The following ZNF521 variants were observed in gnomAD, a reference collection of about 807,000 sequenced individuals.
The protein encoded by ZNF521 is zinc finger protein 521, also known as LYST-interacting protein 3.
In ZNF521, 14 loss-of-function variants were observed where a neutral mutation model predicts 105.5. The observed-to-expected ratio is 0.13, with a 90% confidence interval of 0.09 to 0.21. The LOEUF (loss-of-function observed/expected upper bound fraction) is 0.21, where lower values mean the gene tolerates loss of function less well. ZNF521 is among the 10% of genes least tolerant of loss of function. The pLI, the probability that ZNF521 is intolerant of heterozygous loss-of-function variation, is 1.00. For synonymous variants in ZNF521, 635 were observed against 606.0 expected (o/e 1.05, Z -0.70); for missense variants, 1,233 against 1,629.7 (o/e 0.76, Z 4.19).
chr18:25,347,996 C>T (rs2145229179), intron 2 of ZNF521, among the ~76,000 whole-genome samples: 1 of 152,294 alleles, frequency 6.6e-6, no homozygotes, highest in South Asian at 2.1e-4. Flanking sequence ...TCCAATGCCT[C>T]CTTCAAGTTG....
At chr18:25,292,665 C>T (rs1911101517) in intron 3 of ZNF521, among the ~76,000 whole-genome samples, 1 of 152,112 alleles carries the variant, frequency 6.6e-6, no homozygotes, top group African/African-American at 2.4e-5. Flanking sequence ...GGGAAACAGC[C>T]CCATTAGACA....
At chr18:25,342,728 T>G (rs1024203304) in intron 2 of ZNF521, among the ~76,000 whole-genome samples, 3 of 152,194 alleles carry the variant, frequency 2.0e-5, no homozygotes, top group South Asian at 2.1e-4. Flanking sequence ...GCGCCTGGCC[T>G]TCTTTTTCTT....
intron 3 of ZNF521, among the ~76,000 whole-genome samples, chr18:25,238,990 T>A (rs1461936837): frequency 6.6e-6 from 1 of 152,150 alleles, no homozygotes; most frequent in African/African-American, 2.4e-5. Flanking sequence ...TGCTTGAAGT[T>A]TGCTGCACTC....
chr18:25,273,220 CAAAAAAAAAAAAAAAA>C (rs67381140), intron 3 of ZNF521, among the ~76,000 whole-genome samples: 11 of 40,886 alleles, frequency 2.7e-4, no homozygotes, highest in African/African-American at 6.1e-4. Flanking sequence ...ACCCTGTCTC[CAAAAAAAAAAAAAAAA>C]AAAAAAAAAA....
intron 3 of ZNF521, among the ~76,000 whole-genome samples, chr18:25,234,033 A>G (rs1600189941): frequency 6.6e-6 from 1 of 152,206 alleles, no homozygotes; most frequent in East Asian, 1.9e-4. Flanking sequence ...GTTAAAGAAC[A>G]GTCATCCTCT....
intron 7 of ZNF521, among the ~76,000 whole-genome samples, chr18:25,075,971 T>A (rs2033351616): frequency 6.6e-6 from 1 of 152,216 alleles, no homozygotes; most frequent in African/African-American, 2.4e-5. Flanking sequence ...AATCATTTTT[T>A]TTTGGAATGC....
At chr18:25,158,987 AC>A (rs892287785) in intron 5 of ZNF521, among the ~76,000 whole-genome samples, 2 of 151,992 alleles carry the variant, frequency 1.3e-5, no homozygotes, top group Non-Finnish European at 2.9e-5. Context: ...AAACTACCAA[AC>A]AAAAAAATGA....
chr18:25,305,721 G>A (rs1294198043), intron 3 of ZNF521, among the ~76,000 whole-genome samples: 1 of 152,104 alleles, frequency 6.6e-6, no homozygotes, highest in Non-Finnish European at 1.5e-5. Context: ...AAGATGGAAT[G>A]GCAAATAATA....
At chr18:25,287,683 C>T (rs925640976) in intron 3 of ZNF521, among the ~76,000 whole-genome samples, 1 of 151,600 alleles carries the variant, frequency 6.6e-6, no homozygotes, top group African/African-American at 2.4e-5. Context: ...ATGACAGGCA[C>T]ATGACCACAG....
chr18:25,314,568 A>G (rs972358016), intron 3 of ZNF521, among the ~76,000 whole-genome samples: 3 of 152,242 alleles, frequency 2.0e-5, no homozygotes, highest in Admixed American at 6.5e-5. Context: ...AAATGTGAAC[A>G]GGAAGAATAT....
intron 3 of ZNF521, among the ~76,000 whole-genome samples, chr18:25,234,239 C>T (rs779285623): frequency 6.6e-6 from 1 of 152,114 alleles, no homozygotes; most frequent in African/African-American, 2.4e-5. Flanking sequence ...TTTACAGTGC[C>T]GTGACTGAGG....
chr18:25,342,586 G>A (rs1199909274), intron 2 of ZNF521, among the ~76,000 whole-genome samples: 1 of 142,216 alleles, frequency 7.0e-6, no homozygotes, highest in Non-Finnish European at 1.6e-5. Context: ...CCGTCACCAC[G>A]CCCGGCTAAT....
intron 5 of ZNF521, among the ~76,000 whole-genome samples, chr18:25,107,891 AT>A (rs2034105397): frequency 6.6e-6 from 1 of 152,186 alleles, no homozygotes; most frequent in African/African-American, 2.4e-5. Context: ...CTTCTGGGGG[AT>A]TCAAAAACTG....
At chr18:25,262,383 AT>A (rs34236349) in intron 3 of ZNF521, among the ~76,000 whole-genome samples, 1 of 152,078 alleles carries the variant, frequency 6.6e-6, no homozygotes, top group Admixed American at 6.6e-5. Context: ...TGCTTGAATG[AT>A]TTTTTTCCGT....
chr18:25,201,831 A>G (rs1172733983), intron 4 of ZNF521: 1 of 152,240 alleles, frequency 6.6e-6, no homozygotes, highest in Middle Eastern at 3.4e-3. Flanking sequence ...TCATTAAATG[A>G]CCCTGAGTTT....
At chr18:25,262,700 G>A (rs1908993150) in intron 3 of ZNF521, among the ~76,000 whole-genome samples, 1 of 152,208 alleles carries the variant, frequency 6.6e-6, no homozygotes, top group Non-Finnish European at 1.5e-5. Flanking sequence ...AGACCACAGT[G>A]TCAATACCTG....
chr18:25,348,215 C>T (rs1216725364), intron 2 of ZNF521, among the ~76,000 whole-genome samples: 2 of 152,098 alleles, frequency 1.3e-5, no homozygotes, highest in African/African-American at 4.8e-5. Flanking sequence ...ACCTCTCTGG[C>T]TTTTCTATGA....
chr18:25,293,527 G>A (rs1911157461), intron 3 of ZNF521, among the ~76,000 whole-genome samples: 1 of 152,118 alleles, frequency 6.6e-6, no homozygotes, highest in South Asian at 2.1e-4. Context: ...CACTATTGCA[G>A]CTCTTTAGAG....
At chr18:25,333,567 T>C (rs2145184371) in intron 2 of ZNF521, among the ~76,000 whole-genome samples, 1 of 152,100 alleles carries the variant, frequency 6.6e-6, no homozygotes, top group African/African-American at 2.4e-5. Context: ...CTCTAGGATG[T>C]CAGAATTGGA....
Sources: allele counts gnomAD v4.1 joint callset (sites outside exome capture counted in the v4.1 genomes callset), GRCh38; gene constraint gnomAD v4.1.1; transcripts MANE v1.5; gene names NCBI Gene and HGNC (gene_info 2026-07-23, HGNC 2026-07-21).